TOP3A: variants seen among roughly 807,000 people sequenced by gnomAD.
The protein encoded by TOP3A is DNA topoisomerase 3-alpha.
In TOP3A, 64 loss-of-function variants were observed where a neutral mutation model predicts 111.3. The observed-to-expected ratio is 0.57, with a 90% CI of 0.47 to 0.71. The LOEUF is 0.71. TOP3A is among the 30% of genes least tolerant of loss of function. The pLI, the probability that TOP3A is intolerant of heterozygous loss-of-function variation, is 0.00. For synonymous variants in TOP3A, 484 were observed against 485.1 expected (o/e 1.00, Z 0.03); for missense variants, 1,104 against 1,285.0 (o/e 0.86, Z 2.15).
At chr17:18,308,657 T>A in intron 2 of TOP3A, 1 of 480,932 alleles carries the variant, frequency 2.1e-6, no homozygotes, top group Admixed American at 3.9e-5. Flanking sequence ...TTCCTCAAAC[T>A]ATTGTATATT....
chr17:18,306,513 T>C (rs1981588089), intron 4 of TOP3A: 1 of 182,508 alleles, frequency 5.5e-6, no homozygotes, highest in African/African-American at 2.4e-5. Context: ...ACTATAGGCA[T>C]ACATCACCAT....
chr17:18,294,940 C>G (rs1223226886), intron 9 of TOP3A, among the ~76,000 whole-genome samples, 155 bp from the exon 10 acceptor site: 2 of 152,162 alleles, frequency 1.3e-5, no homozygotes, highest in Non-Finnish European at 2.9e-5. Flanking sequence ...GATTTCTGGG[C>G]CTGCCAAGCA....
At chr17:18,296,185 G>C (rs1980791615) in intron 9 of TOP3A, among the ~76,000 whole-genome samples, 1 of 152,164 alleles carries the variant, frequency 6.6e-6, no homozygotes, top group African/African-American at 2.4e-5. Context: ...TGAAAATAAT[G>C]AGCTGTTCTT....
At chr17:18,293,475 C>T (rs1980607455) in intron 10 of TOP3A, among the ~76,000 whole-genome samples, 1 of 147,190 alleles carries the variant, frequency 6.8e-6, no homozygotes, top group Non-Finnish European at 1.5e-5. Context: ...TTTGTAGAGA[C>T]AGGGTTTTGT....
chr17:18,275,344 C>CTTTTTTT (rs71155327), intron 18 of TOP3A, among the ~76,000 whole-genome samples: 5 of 77,152 alleles, frequency 6.5e-5, no homozygotes, highest in Admixed American at 4.2e-4. Flanking sequence ...GCTGAACCAA[C>CTTTTTTT]TTTTTTTTTT....
rs145559521 is a variant in TOP3A, at chr17:18,293,193, C to A, written c.1074-341G>T. Among the ~76,000 whole-genome samples, 423 of 152,366 alleles carry A rather than the reference C, an allele frequency of 2.8e-3. 5 individuals are homozygous for A. The highest frequency in any genetic ancestry group is 9.5e-3 in the African/African-American group (394 of 41,592). ...TGATGCAGCACATGAGACTCACTGA[C>A]CCTGACAAGTTCCACCAGCGTGTGC... is the stretch of plus-strand genomic sequence containing the variant. On this transcript the variant is annotated intron_variant, in intron 10 of 18. Coordinates refer to ENST00000321105, the MANE Select transcript of TOP3A (RefSeq NM_004618.5).
At position 18,300,255 on chromosome 17, in the gene TOP3A, G is replaced by A. The variant is rs953962566; in HGVS notation, c.916-622C>T. Among the ~76,000 whole-genome samples, 13 of 152,122 alleles carry A rather than the reference G, an allele frequency of 8.5e-5. 1 individual carries two copies. The highest frequency in any genetic ancestry group is 2.2e-4 in the African/African-American group (9 of 41,418). On this transcript the variant is annotated intron_variant, in intron 8 of 18. Coordinates refer to ENST00000321105, the MANE Select transcript of TOP3A (RefSeq NM_004618.5). ...CTAAAAATACAAAAATTAGCTGGGC[G>A]TGGTGGTGCACGCCTGTAGTTCCAG...
chr17:18,281,615 C>T (rs561767057), intron 16 of TOP3A, among the ~76,000 whole-genome samples: 1 of 152,306 alleles, frequency 6.6e-6, no homozygotes, highest in East Asian at 1.9e-4. Flanking sequence ...TGGGCTAAGC[C>T]TAGAGTGGCA....
Position 18,274,862 on chromosome 17 carries a change from C to A in TOP3A, c.2946G>T (p.Arg982=). 6.2e-7 allele frequency: 1 copy of A among 1,614,178 alleles called. No individual in the cohort carries two copies. The highest frequency in any genetic ancestry group is 1.1e-5 in the South Asian group (1 of 91,078). ...CAGGCTGGTGGCAAAGGCTGCATTT[C>A]CGGGGTTTCTTTGCTGTGGACCCCA... is the stretch of plus-strand genomic sequence containing the variant. The part of the protein sequence containing the change: ...SDMGSTAKKP[R]KCSLCHQPGH... Residue 982 remains arginine (R), a synonymous_variant, in exon 19 of 19, where the codon CGG becomes CGT. Coordinates refer to ENST00000321105, the MANE Select transcript of TOP3A (RefSeq NM_004618.5).
At chr17:18,300,445 A>G (rs1381371679) in intron 8 of TOP3A, among the ~76,000 whole-genome samples, 1 of 152,084 alleles carries the variant, frequency 6.6e-6, no homozygotes, top group African/African-American at 2.4e-5. Context: ...GAGACCTTTA[A>G]TCTTAAAACC....
intron 5 of TOP3A, 161 bp from the exon 6 acceptor site, chr17:18,302,884 T>A: frequency 1.3e-6 from 1 of 751,388 alleles, no homozygotes; most frequent in Non-Finnish European, 2.1e-6. Context: ...GTGTACAGTG[T>A]CTAAAGAGGA....
chr17:18,301,826 A>C, intron 8 of TOP3A, 59 bp downstream of exon 8: 1 of 1,397,262 alleles, frequency 7.2e-7, no homozygotes, highest in Non-Finnish European at 1.0e-6. Context: ...ACCTCTGCCG[A>C]CAGTGGGAGT....
At chr17:18,312,581 C>T (rs1981981310) in intron 1 of TOP3A, 1 of 179,300 alleles carries the variant, frequency 5.6e-6, no homozygotes, top group African/African-American at 2.3e-5. Flanking sequence ...AGGCAATGCC[C>T]TGGGTCCAAA....
intron 13 of TOP3A, among the ~76,000 whole-genome samples, chr17:18,289,489 G>T (rs1467175359): frequency 1.3e-5 from 2 of 152,192 alleles, no homozygotes; most frequent in Non-Finnish European, 2.9e-5. Flanking sequence ...TGGTCAGGTT[G>T]GTGGTCTTAA....
Position 18,277,897 on chromosome 17 carries a change from C to A in TOP3A, c.2605G>T (p.Ala869Ser), listed in dbSNP as rs377760887. 6.8e-6 allele frequency: 11 copies of A among 1,613,920 alleles called. No homozygotes were observed. The South Asian group carries it at 1.1e-4, about 16-fold the overall frequency. The change falls in exon 18 of 19, where the codon GCC (alanine) becomes TCC (serine). Residue 869 changes from alanine (A) to serine (S), a missense_variant. By Grantham distance (99) the Ala-to-Ser change is moderately conservative. Coordinates refer to ENST00000321105, the MANE Select transcript of TOP3A (RefSeq NM_004618.5). Reference protein sequence around the residue: ...PPALAYRPLGASLGCPPGPGI... With the variant: ...PPALAYRPLGSSLGCPPGPGI... The stretch of plus-strand genomic sequence containing the variant: ...GGGCCTGGTGGGCATCCCAGGGAGG[C>A]GCCCAGGGGTCTATATGCCAAGGCA...
chr17:18,293,611 C>G (rs115017188), intron 10 of TOP3A, among the ~76,000 whole-genome samples: 164 of 148,102 alleles, frequency 1.1e-3, no homozygotes, highest in African/African-American at 3.7e-3. Context: ...TTGTTTCCCC[C>G]CAAGAGACGG....
intron 8 of TOP3A, 104 bp downstream of exon 8, chr17:18,301,781 T>G: frequency 1.0e-6 from 1 of 967,740 alleles, no homozygotes; most frequent in Non-Finnish European, 1.6e-6. Flanking sequence ...GATGCAAACT[T>G]AAAGCTAAAG....
intron 8 of TOP3A, 103 bp downstream of exon 8, chr17:18,301,782 A>T: frequency 1.0e-6 from 1 of 968,830 alleles, no homozygotes; most frequent in Non-Finnish European, 1.6e-6. Context: ...ATGCAAACTT[A>T]AAGCTAAAGT....
chr17:18,299,538 A>C, intron 9 of TOP3A, 21 bp downstream of exon 9: 1 of 1,613,164 alleles, frequency 6.2e-7, no homozygotes, highest in Non-Finnish European at 8.5e-7. Context: ...GAGTGCCTGA[A>C]ACAGCCTGTC....
Sources: allele counts gnomAD v4.1 joint callset (sites outside exome capture counted in the v4.1 genomes callset), GRCh38; gene constraint gnomAD v4.1.1; transcripts MANE v1.5; gene names NCBI Gene and HGNC (gene_info 2026-07-23, HGNC 2026-07-21).